PON1: variants seen among roughly 807,000 people sequenced by gnomAD.
PON1 encodes the protein serum paraoxonase/arylesterase 1.
Under a neutral mutation model 39.2 loss-of-function variants are expected in PON1, and 37 were observed. The observed-to-expected ratio is 0.94, with a 90% CI of 0.73 to 1.24. The LOEUF is 1.24. Among genes scored for constraint, PON1 ranks in the 50% most tolerant of loss-of-function variants. PON1 has a pLI of 0.00. For missense variants in PON1, 397 were observed against 413.5 expected, an observed-to-expected ratio of 0.96 and a Z score of 0.35; for synonymous variants, 148 against 152.2, an observed-to-expected ratio of 0.97 and a Z score of 0.21.
Position 95,324,359 on chromosome 7 carries a change from TGAG to T in PON1, c.74+40_74+42del, listed in dbSNP as rs932670070. 3 of 1,584,712 alleles carry T rather than the reference TGAG, an allele frequency of 1.9e-6. No individual in the cohort carries two copies. In the African/African-American group the frequency reaches 4.1e-5, roughly 21 times the overall value. ...GGGGGCTCGTGGAGCTGGCAGGGAGTGAGGAGGACGAAGGCTGCAGCCCTCACC... is the reference window on the plus strand; with the variant it reads ...GGGGGCTCGTGGAGCTGGCAGGGAGTGAGGACGAAGGCTGCAGCCCTCACC... On this transcript the variant is annotated intron_variant, in intron 1 of 8. Transcript: ENST00000222381.
At chr7:95,319,405 T>C (rs1010334548) in intron 1 of PON1, among the ~76,000 whole-genome samples, 1 of 152,290 alleles carries the variant, frequency 6.6e-6, no homozygotes, top group Non-Finnish European at 1.5e-5. Flanking sequence ...ATTCCTACCA[T>C]CAGGCCACTG....
chr7:95,311,953 C>T (rs1807664869), intron 4 of PON1, among the ~76,000 whole-genome samples: 1 of 152,142 alleles, frequency 6.6e-6, no homozygotes, highest in Non-Finnish European at 1.5e-5. Context: ...AAGGTGTGAT[C>T]AGGTGTAATT....
chr7:95,322,977 G>A (rs1479598514), intron 1 of PON1, among the ~76,000 whole-genome samples: 2 of 152,142 alleles, frequency 1.3e-5, no homozygotes, highest in Non-Finnish European at 2.9e-5. Context: ...TCTATCCTGG[G>A]GATTTGGCTT....
At chr7:95,302,108 A>AAC in intron 8 of PON1, 97 bp downstream of exon 8, 2 of 810,536 alleles carry the variant, frequency 2.5e-6, no homozygotes, top group Non-Finnish European at 3.5e-6. Flanking sequence ...AAAAAAAAAA[A>AAC]AAAAAAAAAA....
chr7:95,317,573 C>CAAAAAAAAAAAAAAAAAAAAAAAAAAAA (rs869140411), intron 2 of PON1, among the ~76,000 whole-genome samples: 2 of 46,842 alleles, frequency 4.3e-5, no homozygotes, highest in Non-Finnish European at 9.6e-5. Flanking sequence ...TCTAAAAGAA[C>CAAAAAAAAAAAAAAAAAAAAAAAAAAAA]AAAAAAAAAA....
At chr7:95,313,618 ATGTGTGTG>A (rs3046663) in intron 4 of PON1, among the ~76,000 whole-genome samples, 117 of 147,278 alleles carry the variant, frequency 7.9e-4, no homozygotes, top group Middle Eastern at 6.8e-3. Flanking sequence ...ATATATGTAT[ATGTGTGTG>A]TGTGTGTGTG....
intron 8 of PON1, among the ~76,000 whole-genome samples, chr7:95,299,511 A>C (rs895620353): frequency 6.6e-6 from 1 of 152,084 alleles, no homozygotes; most frequent in Admixed American, 6.6e-5. Flanking sequence ...CGTGTTGCCA[A>C]AGGAGATTAA....
chr7:95,312,087 A>G lies in PON1; in HGVS notation c.371-510T>C, dbSNP rs148505098. ...CAAAGGTGACCAGTCTAAGCGGTCA[A>G]GAATGTGTGATCAGAGCTGGCAAGT... On this transcript the variant is annotated intron_variant, in intron 4 of 8. Coordinates refer to ENST00000222381, the MANE Select transcript of PON1 (RefSeq NM_000446.7). Among the ~76,000 whole-genome samples, 228 of 152,366 alleles carry G rather than the reference A, an allele frequency of 1.5e-3. 1 individual carries two copies. Among genetic ancestry groups the G allele is most frequent in the African/African-American group, 5.1e-3 (214 of 41,592 alleles).
intron 7 of PON1, among the ~76,000 whole-genome samples, chr7:95,304,325 TC>T (rs1309424243): frequency 7.0e-6 from 1 of 143,218 alleles, no homozygotes; most frequent in Non-Finnish European, 1.5e-5. Flanking sequence ...AGAACTTCAT[TC>T]CTTTTTTTTT....
At chr7:95,319,131 CT>C (rs369225812) in intron 1 of PON1, among the ~76,000 whole-genome samples, 77 of 138,326 alleles carry the variant, frequency 5.6e-4, no homozygotes, top group South Asian at 9.4e-4. Context: ...AAACAATAAA[CT>C]TTTTTTTTTT....
At chr7:95,313,478 A>T (rs759000768) in intron 4 of PON1, among the ~76,000 whole-genome samples, 4 of 152,214 alleles carry the variant, frequency 2.6e-5, no homozygotes, top group Non-Finnish European at 5.9e-5. Context: ...GTTGTGTAAT[A>T]TTACCTCATT....
At chr7:95,304,748 G>A (rs188867485) in intron 7 of PON1, among the ~76,000 whole-genome samples, 104 of 152,088 alleles carry the variant, frequency 6.8e-4, no homozygotes, top group Non-Finnish European at 1.4e-3. Flanking sequence ...TGGCACTCTC[G>A]GGCATTAATT....
At chr7:95,307,987 C>G in intron 6 of PON1, 24 bp downstream of exon 6, 1 of 1,593,522 alleles carries the variant, frequency 6.3e-7, no homozygotes, top group East Asian at 2.2e-5. Context: ...AGTAAATCCA[C>G]TACATTTCAG....
rs1472982874 is a variant in PON1, at chr7:95,316,777, T to G, written c.158A>C (p.Glu53Ala). 3.1e-6 allele frequency: 5 copies of G among 1,612,878 alleles called. No homozygotes were observed. In the South Asian group the frequency reaches 5.5e-5, roughly 18 times the overall value. Residue 53 changes from glutamate to alanine, a missense_variant, in exon 3 of 9, where the codon GAA (glutamate) becomes GCA (alanine). Glu to Ala is a moderately radical substitution (Grantham distance 107, BLOSUM62 -1). Transcript: ENST00000222381. ...NLVKGIETGS[E>A]DLEILPNGLA... ...TCCATTAGGCAGTATCTCCAAGTCT[T>G]CAGAGCCAGTTTCTGCCAGAAAAGA...
Position 95,324,417 on chromosome 7 carries a change from T to A in PON1, c.59A>T (p.His20Leu), listed in dbSNP as rs1807967662. 6.2e-7 allele frequency: 1 copy of A among 1,614,000 alleles called. No homozygotes were observed. Among genetic ancestry groups the A allele is most frequent in the African/African-American group, 1.3e-5 (1 of 74,918 alleles). The change falls in exon 1 of 9, where the codon CAC (histidine) becomes CTC (leucine). Residue 20 changes from histidine to leucine, a missense_variant. Transcript: ENST00000222381. ...LGMGLALFRN[H>L]QSSYQTRLNA... ...CCCAACTTACTGGTAAGAAGACTGG[T>A]GGTTCCTGAAGAGTGCCAGTCCCAT... is the stretch of plus-strand genomic sequence containing the variant.
chr7:95,305,452 T>C (rs779200344), intron 7 of PON1, among the ~76,000 whole-genome samples: 10 of 152,150 alleles, frequency 6.6e-5, no homozygotes, highest in South Asian at 2.1e-4. Flanking sequence ...AACTAGTCAA[T>C]GTGAATTGTA....
chr7:95,310,946 T>C (rs3917527), intron 5 of PON1, among the ~76,000 whole-genome samples: 13,444 of 152,170 alleles, frequency 0.088, 776 homozygotes, highest in African/African-American at 0.14. Flanking sequence ...CTAGGGGGAA[T>C]TGAGTGTTAC....
In PON1 at chr7:95,298,951, T is replaced by C. The variant is rs748549881; in HGVS notation, c.1061A>G (p.Glu354Gly). Residue 354 changes from glutamate (E) to glycine (G), a missense_variant, in exon 9 of 9, where the codon GAG (glutamate) becomes GGG (glycine). Glu to Gly is a moderately conservative substitution (Grantham distance 98). Transcript: ENST00000222381. Reference protein sequence around the residue: ...GTVFHKALYCEL With the variant: ...GTVFHKALYCGL Reference sequence around the variant, plus strand: ...TGGGTGCAAATCGGTCTGTTAGAGCTCACAGTAAAGAGCTTTGTGAAACAC... The same window carrying C: ...TGGGTGCAAATCGGTCTGTTAGAGCCCACAGTAAAGAGCTTTGTGAAACAC... 1 of 1,614,168 alleles carries C rather than the reference T, an allele frequency of 6.2e-7. No homozygotes were observed. The highest frequency in any genetic ancestry group is 1.1e-5 in the South Asian group (1 of 91,082).
chr7:95,298,765 T>G lies in PON1; in HGVS notation c.*179A>C, dbSNP rs1244386934. 1 of 713,566 alleles carries G rather than the reference T, an allele frequency of 1.4e-6. No homozygotes were observed. Among genetic ancestry groups the G allele is most frequent in the Non-Finnish European group, 2.4e-6 (1 of 408,374 alleles). The allele number at this position is 713,566 out of a possible 1,614,324, so 44.2% of individuals were successfully genotyped here. A position where few individuals can be genotyped will look rare whatever the true frequency, so the allele number is the denominator to read the frequency against. On this transcript the variant is annotated 3_prime_UTR_variant, in exon 9 of 9. Coordinates refer to ENST00000222381, the MANE Select transcript of PON1 (RefSeq NM_000446.7). ...ATTCCAAGACTGATTTGATAGTGTA[T>G]TCTCAAAAAAAAGCCCTACACATCA...
Sources: gnomAD v4.1 joint callset for allele counts (sites outside exome capture counted in the v4.1 genomes callset) on GRCh38, gnomAD v4.1.1 for gene constraint, MANE v1.5 for transcripts, NCBI Gene and HGNC (gene_info 2026-07-23, HGNC 2026-07-21) for gene names.